The following KCNH1 variants were observed in gnomAD, a reference collection of about 807,000 sequenced individuals.
KCNH1 encodes voltage-gated delayed rectifier potassium channel KCNH1.
Under a neutral mutation model 69.2 loss-of-function variants are expected in KCNH1, and 27 were observed. The observed-to-expected ratio is 0.39, with a 90% CI of 0.29 to 0.54. KCNH1 has a LOEUF of 0.54. Among genes scored for constraint, KCNH1 ranks in the 20% least tolerant of loss-of-function variants. The probability of loss-of-function intolerance (pLI) is 0.68; values close to 1 mark genes in which losing one functional copy is unlikely to be tolerated. For synonymous variants in KCNH1, 456 were observed against 487.7 expected (o/e 0.93, Z 0.86); for missense variants, 798 against 1,261.6 (o/e 0.63, Z 5.57).
intron 4 of KCNH1, among the ~76,000 whole-genome samples, chr1:211,086,793 A>G (rs1032823265): frequency 5.0e-4 from 76 of 152,174 alleles, no homozygotes; most frequent in African/African-American, 1.8e-3. Context: ...CAGGGGTACC[A>G]AAAAAGACAG....
chr1:211,102,976 C>A (rs1691286997), intron 3 of KCNH1, among the ~76,000 whole-genome samples: 1 of 152,196 alleles, frequency 6.6e-6, no homozygotes, highest in Admixed American at 6.5e-5. Flanking sequence ...GGCTACTGAC[C>A]TAAAACCTCA....
chr1:210,844,101 T>A (rs1685482830), intron 7 of KCNH1, among the ~76,000 whole-genome samples: 1 of 152,172 alleles, frequency 6.6e-6, no homozygotes, highest in African/African-American at 2.4e-5. Context: ...TACAATTCCT[T>A]TTTTGGTTTA....
intron 7 of KCNH1, among the ~76,000 whole-genome samples, chr1:210,908,070 G>A (rs943171550): frequency 2.6e-5 from 4 of 152,210 alleles, no homozygotes; most frequent in South Asian, 2.1e-4. Context: ...AAAGGCAGAT[G>A]ATGGTAGAGA....
intron 7 of KCNH1, among the ~76,000 whole-genome samples, chr1:210,889,966 G>T (rs1318185488): frequency 1.3e-5 from 2 of 152,114 alleles, no homozygotes; most frequent in Non-Finnish European, 2.9e-5. Flanking sequence ...TGGCCATACT[G>T]CCCAAAGTAA....
chr1:210,683,521 G>C lies in KCNH1; in HGVS notation c.2730C>G (p.Val910=), dbSNP rs1313565530. The C allele has an allele frequency of 1.9e-6, 3 of 1,614,112 alleles. No homozygotes were observed. Among genetic ancestry groups the C allele is most frequent in the Non-Finnish European group, 2.5e-6 (3 of 1,180,012 alleles). ...CAGGGATGGGGTAGAACGAATGCTT[G>C]ACCTCTGCCAGGATGGGACTCCGAT... is the stretch of plus-strand genomic sequence containing the variant. The part of the protein sequence containing the change: ...PQDRSPILAE[V]KHSFYPIPEQ... Residue 910 remains valine, a synonymous_variant, in exon 11 of 11, where the codon GTC becomes GTG. Coordinates refer to ENST00000271751, the MANE Select transcript of KCNH1 (RefSeq NM_172362.3). The surrounding 1 kb of genome is among the most constrained non-coding windows in gnomAD (Gnocchi z 5.7).
intron 7 of KCNH1, among the ~76,000 whole-genome samples, chr1:210,888,207 T>C (rs967279078): frequency 1.3e-5 from 2 of 152,074 alleles, no homozygotes; most frequent in Admixed American, 1.3e-4. Context: ...TAACAAACAG[T>C]CTGTCAGACC....
intron 5 of KCNH1, among the ~76,000 whole-genome samples, chr1:211,068,556 C>G (rs192203498): frequency 6.6e-6 from 1 of 152,098 alleles, no homozygotes; most frequent in East Asian, 1.9e-4. Flanking sequence ...CCACCATGCC[C>G]GGCTAATTTT....
chr1:210,856,826 T>C (rs1011574996), intron 7 of KCNH1, among the ~76,000 whole-genome samples: 2 of 129,996 alleles, frequency 1.5e-5, no homozygotes, highest in Non-Finnish European at 3.3e-5. Context: ...ATATATTTTA[T>C]ATATAATATA....
chr1:210,707,608 A>C (rs1244371010), intron 10 of KCNH1, among the ~76,000 whole-genome samples: 1 of 152,176 alleles, frequency 6.6e-6, no homozygotes, highest in Non-Finnish European at 1.5e-5. Context: ...CCGGCTGGCC[A>C]CACAGAGGGA....
At position 210,968,378 on chromosome 1, in the gene KCNH1, T is replaced by C. The variant is rs545525668; in HGVS notation, c.1033-48309A>G. ...CATGATTTATAATCCTTTGGGTATA[T>C]ACCCAGTAATGGGATGGCTGGGTCA... On this transcript the variant is annotated intron_variant, in intron 6 of 10. Coordinates refer to ENST00000271751, the MANE Select transcript of KCNH1 (RefSeq NM_172362.3). Among the ~76,000 whole-genome samples, 366 of 139,178 alleles carry C rather than the reference T, an allele frequency of 2.6e-3. 1 individual carries two copies. The highest frequency in any genetic ancestry group is 4.2e-3 in the Non-Finnish European group (277 of 65,700). The allele number at this position is 139,178 out of a possible 152,430, so 91.3% of individuals were successfully genotyped here. A position where few individuals can be genotyped will look rare whatever the true frequency, so the allele number is the denominator to read the frequency against.
At chr1:210,797,977 G>T (rs1684352445) in intron 8 of KCNH1, among the ~76,000 whole-genome samples, 1 of 151,148 alleles carries the variant, frequency 6.6e-6, no homozygotes, top group Non-Finnish European at 1.5e-5. Context: ...CTGAGAATCA[G>T]CACTGGGAGT....
chr1:210,738,963 C>T (rs1682949141), intron 10 of KCNH1, among the ~76,000 whole-genome samples: 1 of 152,124 alleles, frequency 6.6e-6, no homozygotes, highest in Admixed American at 6.5e-5. Flanking sequence ...TCTTAAGTAG[C>T]TAGTGTCACT....
intron 9 of KCNH1, among the ~76,000 whole-genome samples, chr1:210,785,784 C>G (rs891559060): frequency 6.6e-6 from 1 of 151,986 alleles, no homozygotes; most frequent in Non-Finnish European, 1.5e-5. Context: ...GTAGACCAGC[C>G]CTTTGCTCTC....
At chr1:210,904,348 A>G (rs1432861939) in intron 7 of KCNH1, among the ~76,000 whole-genome samples, 2 of 152,098 alleles carry the variant, frequency 1.3e-5, no homozygotes, top group Non-Finnish European at 2.9e-5. Context: ...TGACCCCAAG[A>G]GCCTTCCCCC....
chr1:210,986,528 C>G (rs1182577695), intron 6 of KCNH1, among the ~76,000 whole-genome samples: 1 of 152,128 alleles, frequency 6.6e-6, no homozygotes, highest in African/African-American at 2.4e-5. Flanking sequence ...GATTTTATTT[C>G]TCCTTCACTT....
intron 10 of KCNH1, among the ~76,000 whole-genome samples, chr1:210,719,980 G>C (rs1538756): frequency 6.6e-6 from 1 of 152,046 alleles, no homozygotes; most frequent in Non-Finnish European, 1.5e-5. Context: ...TGTCCCTCCC[G>C]TCTTTCCTAT....
chr1:211,053,706 G>A (rs1281423522), intron 5 of KCNH1, among the ~76,000 whole-genome samples: 3 of 152,078 alleles, frequency 2.0e-5, no homozygotes, highest in Admixed American at 1.3e-4. Flanking sequence ...TGAACCAGGC[G>A]AAACCATAGT....
At chr1:210,969,059 TA>T (rs1390317639) in intron 6 of KCNH1, among the ~76,000 whole-genome samples, 1 of 152,136 alleles carries the variant, frequency 6.6e-6, no homozygotes, top group African/African-American at 2.4e-5. Flanking sequence ...GTTAATGTAA[TA>T]AATCAGATTT....
intron 7 of KCNH1, chr1:210,861,299 T>A: frequency 2.3e-6 from 2 of 869,622 alleles, no homozygotes. Flanking sequence ...ATTAATAGAA[T>A]TTAATGTCTG....
Sources: gnomAD v4.1 joint callset for allele counts (sites outside exome capture counted in the v4.1 genomes callset) on GRCh38, gnomAD v4.1.1 for gene constraint, Gnocchi (gnomAD v3.1) non-coding constraint, MANE v1.5 for transcripts, NCBI Gene and HGNC (gene_info 2026-07-23, HGNC 2026-07-21) for gene names.